Variants in COL28A1 observed in about 807,000 individuals in gnomAD.
The protein encoded by COL28A1 is collagen alpha-1(XXVIII) chain.
Under a neutral mutation model 150.2 loss-of-function variants are expected in COL28A1, and 161 were observed. That is an observed-to-expected ratio of 1.07 (90% CI 0.94 to 1.22). COL28A1 has a LOEUF of 1.22. COL28A1 is among the 50% of genes most tolerant of loss of function. COL28A1 has a pLI of 0.00. For synonymous variants in COL28A1, 552 were observed against 469.7 expected, an observed-to-expected ratio of 1.18 and a Z score of -2.26; for missense variants, 1,617 against 1,388.3, an observed-to-expected ratio of 1.16 and a Z score of -2.62.
chr7:7,506,206 C>G (rs60445508), intron 10 of COL28A1, 139 bp from the exon 11 acceptor site: 3 of 582,276 alleles, frequency 5.2e-6, no homozygotes, highest in South Asian at 2.3e-5. Flanking sequence ...CACATTCAAT[C>G]GAGAAGTGGG....
At chr7:7,430,800 AG>A (rs1241376736) in intron 25 of COL28A1, among the ~76,000 whole-genome samples, 2 of 152,142 alleles carry the variant, frequency 1.3e-5, no homozygotes, top group African/African-American at 4.8e-5. Context: ...TAAAGAAAAA[AG>A]AATACATCAG....
Position 7,366,611 on chromosome 7 carries a change from G to A in COL28A1, c.3066+4114C>T, listed in dbSNP as rs567452826. ...TTACGCAGGGTTTTATGAAGAATTTGAATGTTTTTCACGATCACGGTGAGA... is the reference window on the plus strand; with the variant it reads ...TTACGCAGGGTTTTATGAAGAATTTAAATGTTTTTCACGATCACGGTGAGA... On this transcript the variant is annotated intron_variant, in intron 33 of 34. Coordinates refer to ENST00000399429, the MANE Select transcript of COL28A1 (RefSeq NM_001037763.3). Among the ~76,000 whole-genome samples the A allele has an allele frequency of 2.1e-4, 32 of 151,882 alleles. 2 individuals are homozygous for A. The highest frequency in any genetic ancestry group is 7.5e-4 in the African/African-American group (31 of 41,224).
At chr7:7,391,419 A>C (rs576084465) in intron 27 of COL28A1, among the ~76,000 whole-genome samples, 3 of 152,256 alleles carry the variant, frequency 2.0e-5, no homozygotes, top group South Asian at 4.1e-4. Flanking sequence ...TTTTAGAATA[A>C]GGGTGATGTA....
chr7:7,352,258 T>A (rs959034423), downstream of COL28A1, among the ~76,000 whole-genome samples: 9 of 152,140 alleles, frequency 5.9e-5, no homozygotes, highest in African/African-American at 1.7e-4. Context: ...GAACTAGGGA[T>A]ACAAAGATAA....
the COL28A1 span, among the ~76,000 whole-genome samples, chr7:7,542,007 G>T: frequency 6.6e-6 from 1 of 152,110 alleles, no homozygotes; most frequent in African/African-American, 2.4e-5. Flanking sequence ...GCAGGGTTTG[G>T]GAACAAAATT....
chr7:7,356,835 T>G (rs1780374308), downstream of COL28A1: 1 of 152,124 alleles, frequency 6.6e-6, no homozygotes, highest in South Asian at 2.1e-4. Flanking sequence ...CCCTAAAACT[T>G]AAAGTATAAT....
intron 27 of COL28A1, among the ~76,000 whole-genome samples, chr7:7,394,338 T>C (rs560433426): frequency 1.1e-4 from 17 of 152,308 alleles, no homozygotes; most frequent in African/African-American, 3.8e-4. Context: ...GCCTTCTGCA[T>C]TGATCTCACT....
At chr7:7,482,097 G>C (rs911592361) in intron 13 of COL28A1, among the ~76,000 whole-genome samples, 2 of 152,130 alleles carry the variant, frequency 1.3e-5, no homozygotes, top group African/African-American at 4.8e-5. Context: ...TATTAGTGTG[G>C]TAGTGAAAAG....
intron 15 of COL28A1, among the ~76,000 whole-genome samples, chr7:7,468,481 A>G (rs1174112537): frequency 8.7e-6 from 1 of 114,620 alleles, no homozygotes; most frequent in Admixed American, 9.5e-5. Context: ...TTAGCAACCA[A>G]AAAGAGTCCA....
intron 27 of COL28A1, among the ~76,000 whole-genome samples, chr7:7,391,276 G>A (rs1782526359): frequency 6.6e-6 from 1 of 152,150 alleles, no homozygotes; most frequent in Non-Finnish European, 1.5e-5. Flanking sequence ...TTTCCATGTA[G>A]ATGTGCGGTT....
intron 27 of COL28A1, among the ~76,000 whole-genome samples, chr7:7,398,728 A>G (rs1465231657): frequency 6.6e-6 from 1 of 152,188 alleles, no homozygotes; most frequent in Non-Finnish European, 1.5e-5. Context: ...TATTCACACT[A>G]CAAGTGATAA....
intron 8 of COL28A1, chr7:7,511,982 AG>A: frequency 3.1e-6 from 1 of 324,238 alleles, no homozygotes; most frequent in Admixed American, 4.2e-5. Context: ...TTTGTAATTA[AG>A]AAGGTTAAGT....
At chr7:7,476,588 G>A (rs1788905442) in intron 14 of COL28A1, among the ~76,000 whole-genome samples, 2 of 152,298 alleles carry the variant, frequency 1.3e-5, no homozygotes, top group African/African-American at 2.4e-5. Context: ...CCAACCTTTG[G>A]TGCAGAACAA....
chr7:7,458,223 C>G (rs1038321194), intron 15 of COL28A1, among the ~76,000 whole-genome samples: 1 of 152,122 alleles, frequency 6.6e-6, no homozygotes, highest in African/African-American at 2.4e-5. Context: ...TCGAGACCAG[C>G]CTGACCAACA....
chr7:7,419,253 T>C (rs1784269014), intron 26 of COL28A1, among the ~76,000 whole-genome samples: 1 of 152,178 alleles, frequency 6.6e-6, no homozygotes, highest in African/African-American at 2.4e-5. Context: ...CTGGGCATTG[T>C]AGAATGGTTG....
At position 7,385,376 on chromosome 7, in the gene COL28A1, C is replaced by T. The variant is rs146113057; in HGVS notation, c.2137-3764G>A. On this transcript the variant is annotated intron_variant, in intron 27 of 34. Coordinates refer to ENST00000399429, the MANE Select transcript of COL28A1 (RefSeq NM_001037763.3). ...CATGGGAGAACACTAAGAGGAAATCCATGGTTGGCTTTGTCTCAGCCTGAA... is the reference window on the plus strand; with the variant it reads ...CATGGGAGAACACTAAGAGGAAATCTATGGTTGGCTTTGTCTCAGCCTGAA... 7.4e-3 allele frequency among the ~76,000 whole-genome samples: 1,125 copies of T among 152,208 alleles called. 17 individuals carry two copies. The highest frequency in any genetic ancestry group is 0.026 in the African/African-American group (1,070 of 41,524).
intron 20 of COL28A1, among the ~76,000 whole-genome samples, chr7:7,441,643 G>A (rs1427040672): frequency 6.6e-6 from 1 of 152,104 alleles, no homozygotes; most frequent in African/African-American, 2.4e-5. Flanking sequence ...GAGCTTGTTA[G>A]ACCACAGATT....
At chr7:7,399,354 G>A (rs116403069) in intron 27 of COL28A1, among the ~76,000 whole-genome samples, 2,567 of 152,214 alleles carry the variant, frequency 0.017, 58 homozygotes, top group African/African-American at 0.056. Context: ...TTCTTAGAGC[G>A]TGTGTCTCAT....
chr7:7,462,696 TAAA>T (rs1300167595), intron 15 of COL28A1, among the ~76,000 whole-genome samples: 1 of 151,902 alleles, frequency 6.6e-6, no homozygotes, highest in Non-Finnish European at 1.5e-5. Context: ...CCGTCTCTAC[TAAA>T]AATACAAAAA....
Sources: gnomAD v4.1 joint callset for allele counts (sites outside exome capture counted in the v4.1 genomes callset) on GRCh38, gnomAD v4.1.1 for gene constraint, MANE v1.5 for transcripts, NCBI Gene and HGNC (gene_info 2026-07-23, HGNC 2026-07-21) for gene names.